The following IDUA variants were observed in gnomAD, a reference collection of about 807,000 sequenced individuals.
The protein encoded by IDUA is alpha-L-iduronidase.
A neutral mutation model predicts 68.9 loss-of-function variants in IDUA; 65 were observed. The observed-to-expected ratio is 0.94, with a 90% CI of 0.77 to 1.16. The LOEUF is 1.16. Ranked by LOEUF, IDUA falls within the 50% of genes most tolerant of loss-of-function variation. The pLI is 0.00. For synonymous variants in IDUA, 529 were observed against 433.6 expected (o/e 1.22, Z -2.73); for missense variants, 1,046 against 938.0 (o/e 1.12, Z -1.50).
Position 1,003,440 on chromosome 4 carries a change from G to T in IDUA, c.1620G>T (p.Val540=). 6.5e-7 allele frequency: 1 copy of T among 1,542,520 alleles called. No homozygotes were observed. The highest frequency in any genetic ancestry group is 8.7e-7 in the Non-Finnish European group (1 of 1,150,614). The change falls in exon 11 of 14, where the codon GTG becomes GTT. Residue 540 remains valine (V), a synonymous_variant. Transcript: ENST00000514224. ...TGCCGTCGCTTTTGCTGGTGCACGTGTGTGCGCGCCCCGAGAAGCCGCCCG... is the reference window on the plus strand; with the variant it reads ...TGCCGTCGCTTTTGCTGGTGCACGTTTGTGCGCGCCCCGAGAAGCCGCCCG... ...LRLPSLLLVH[V]CARPEKPPGQ...
intron 2 of IDUA, chr4:990,422 A>G (rs2153017419): frequency 6.8e-7 from 1 of 1,476,670 alleles, no homozygotes; most frequent in Non-Finnish European, 9.1e-7. Flanking sequence ...GCCCCTCACC[A>G]GCACCTGGCA....
rs368806302 is a variant in IDUA, at chr4:989,420, G to T, written c.299+1471G>T. The T allele has an allele frequency of 2.5e-5, 39 of 1,556,458 alleles. No individual in the cohort carries two copies. The highest frequency in any genetic ancestry group is 3.3e-4 in the Middle Eastern group (2 of 6,010). On this transcript the variant is annotated intron_variant, in intron 2 of 13. Transcript: ENST00000514224. ...CGGGCCAGCAGGGCGGTGCGTGGGCGTTGGGTGCGGCCGGCCAGGCTGAGC... is the reference window on the plus strand; with the variant it reads ...CGGGCCAGCAGGGCGGTGCGTGGGCTTTGGGTGCGGCCGGCCAGGCTGAGC...
rs760940403 is a variant in IDUA at position 991,381 on chromosome 4, G to C, written c.299+3432G>C. 8 of 1,612,734 alleles carry C rather than the reference G, an allele frequency of 5.0e-6. No individual in the cohort carries two copies. The African/African-American group carries it at 9.3e-5, about 19-fold the overall frequency. ...GCCCATGAGGAAGTAGATGAGGTTGGCGAAGAAGGACGTATAGAGGCTGTA... is the reference window on the plus strand; with the variant it reads ...GCCCATGAGGAAGTAGATGAGGTTGCCGAAGAAGGACGTATAGAGGCTGTA... On this transcript the variant is annotated intron_variant, in intron 2 of 13. Transcript: ENST00000514224.
At chr4:1,002,240 C>T (rs911412291) in intron 7 of IDUA, 29 bp from the exon 8 acceptor site, 5 of 1,596,974 alleles carry the variant, frequency 3.1e-6, no homozygotes, top group African/African-American at 1.3e-5. Context: ...GCCGCGCCAC[C>T]CGGTCCCAGC....
In IDUA at chr4:1,003,358, C is replaced by T. The variant is rs1327789436; in HGVS notation, c.1538C>T (p.Ala513Val). 1 of 1,458,086 alleles carries T rather than the reference C, an allele frequency of 6.9e-7. No individual in the cohort carries two copies. Among genetic ancestry groups the T allele is most frequent in the Admixed American group, 2.7e-5 (1 of 37,726 alleles). The allele number at this position is 1,458,086 out of a possible 1,614,324, so 90.3% of individuals were successfully genotyped here. ...CACTGCGCCCAGGACCCGGTGGCCG[C>T]GGCGCCCCGCCCCTTACCCGCCGGC... Reference protein sequence around the residue: ...RMRAAEDPVAAAPRPLPAGGR... With the variant: ...RMRAAEDPVAVAPRPLPAGGR... Residue 513 changes from alanine (A) to valine (V), a missense_variant, in exon 11 of 14, where the codon GCG (alanine) becomes GTG (valine). Physicochemically the swap from Ala to Val is moderately conservative, Grantham distance 64. Transcript: ENST00000514224.
At chr4:1,001,186 T>C in intron 4 of IDUA, 197 bp downstream of exon 4, 1 of 600,664 alleles carries the variant, frequency 1.7e-6, no homozygotes, top group Non-Finnish European at 2.9e-6. Flanking sequence ...GGGGTACTCC[T>C]GGGCTTGGTG....
rs749088292 is a variant in IDUA, at chr4:991,842, G to A, written c.299+3893G>A. 84 of 1,523,468 alleles carry A rather than the reference G, an allele frequency of 5.5e-5. 1 individual carries two copies. In the Admixed American group the frequency reaches 7.7e-4, roughly 14 times the overall value. The allele number at this position is 1,523,468 out of a possible 1,614,324, so 94.4% of individuals were successfully genotyped here. A position where few individuals can be genotyped will look rare whatever the true frequency, so the allele number is the denominator to read the frequency against. On this transcript the variant is annotated intron_variant, in intron 2 of 13. Transcript: ENST00000514224. ...GCGGACCCCTCGCCCACCCAGGGCC[G>A]GGGATTGGTGCTGGGCCTTCTCCTG... is the stretch of plus-strand genomic sequence containing the variant.
chr4:993,259 C>G (rs1054196765), intron 2 of IDUA: 1 of 152,484 alleles, frequency 6.6e-6, no homozygotes, highest in East Asian at 1.9e-4. Flanking sequence ...TCCCACGCCC[C>G]CCTCTGCTGC....
At position 1,003,570 on chromosome 4, in the gene IDUA, C is replaced by G. The variant is rs1027324399; in HGVS notation, c.1672C>G (p.Pro558Ala). 6.2e-7 allele frequency: 1 copy of G among 1,612,262 alleles called. No homozygotes were observed. Among genetic ancestry groups the G allele is most frequent in the African/African-American group, 1.3e-5 (1 of 75,036 alleles). ...CCAGGTCACGCGGCTCCGCGCCCTG[C>G]CCCTGACCCAAGGGCAGCTGGTTCT... ...PGQVTRLRAL[P>A]LTQGQLVLVW... The change falls in exon 12 of 14, where the codon CCC (proline) becomes GCC (alanine). Residue 558 changes from proline to alanine, a missense_variant. Pro to Ala is a conservative substitution (Grantham distance 27). Coordinates refer to ENST00000514224, the MANE Select transcript of IDUA (RefSeq NM_000203.5).
intron 2 of IDUA, among the ~76,000 whole-genome samples, chr4:998,773 C>T (rs1190533669): frequency 2.9e-5 from 4 of 139,406 alleles, no homozygotes; most frequent in African/African-American, 5.2e-5. Context: ...TTGCCCTGTA[C>T]GACCCCCCGA....
At chr4:988,212 G>A (rs1393342544) in intron 2 of IDUA, 16 of 1,341,824 alleles carry the variant, frequency 1.2e-5, no homozygotes, top group East Asian at 3.0e-5. Context: ...TGGTGCACCC[G>A]TGAGCATCCC....
At chr4:994,279 T>TC (rs1458723031) in intron 2 of IDUA, among the ~76,000 whole-genome samples, 3 of 147,492 alleles carry the variant, frequency 2.0e-5, no homozygotes, top group Non-Finnish European at 4.5e-5. Flanking sequence ...CCCCACCTTT[T>TC]CTTTTTTTTT....
At chr4:998,614 C>A (rs1361640296) in intron 2 of IDUA, among the ~76,000 whole-genome samples, 2 of 152,136 alleles carry the variant, frequency 1.3e-5, no homozygotes, top group African/African-American at 4.8e-5. Context: ...TTCCCTCAGG[C>A]CAGAAGCATC....
At chr4:994,424 C>T (rs1203321915) in intron 2 of IDUA, among the ~76,000 whole-genome samples, 6 of 151,506 alleles carry the variant, frequency 4.0e-5, no homozygotes, top group Admixed American at 1.3e-4. Flanking sequence ...TACAGGCGCC[C>T]GCCACCGCGC....
In IDUA at chr4:991,403, T is replaced by C; in HGVS notation, c.299+3454T>C. ...TTGGCGAAGAAGGACGTATAGAGGC[T>C]GTAGATGGGCTGCAGCCCGGCCAGC... On this transcript the variant is annotated intron_variant, in intron 2 of 13. Transcript: ENST00000514224. 2.5e-6 allele frequency: 4 copies of C among 1,612,738 alleles called. No individual in the cohort carries two copies. Among genetic ancestry groups the C allele is most frequent in the Non-Finnish European group, 3.4e-6 (4 of 1,179,936 alleles).
intron 4 of IDUA, 143 bp downstream of exon 4, chr4:1,001,132 G>A: frequency 1.5e-6 from 1 of 681,904 alleles, no homozygotes; most frequent in South Asian, 1.7e-5. Context: ...GGGGTGACAA[G>A]GGATAGGTTG....
chr4:987,742 G>A (rs2153015532), intron 1 of IDUA, 67 bp from the exon 2 acceptor site: 2 of 1,604,556 alleles, frequency 1.2e-6, no homozygotes, highest in South Asian at 1.1e-5. Flanking sequence ...GGGCTTGAAC[G>A]TGTGTGTCAG....
rs1388774665 is a variant in IDUA at position 1,002,012 on chromosome 4, C to A, written c.823C>A (p.Gln275Lys). 6.3e-7 allele frequency: 1 copy of A among 1,595,740 alleles called. No homozygotes were observed. Among genetic ancestry groups the A allele is most frequent in the East Asian group, 2.3e-5 (1 of 44,192 alleles). Residue 275 changes from glutamine to lysine, a missense_variant, in exon 7 of 14, where the codon CAG becomes AAG. Coordinates refer to ENST00000514224, the MANE Select transcript of IDUA (RefSeq NM_000203.5). ...GCGCAGCTCCATCTCCATCCTGGAG[C>A]AGGAGAAGGTCGTCGCGCAGCAGAT... ...GARSSISILE[Q>K]EKVVAQQIRQ...
Position 1,002,845 on chromosome 4 carries a change from C to A in IDUA, c.1303C>A (p.Arg435Ser), listed in dbSNP as rs1188900288. 4 of 1,453,156 alleles carry A rather than the reference C, an allele frequency of 2.8e-6. No homozygotes were observed. Among genetic ancestry groups the A allele is most frequent in the Non-Finnish European group, 3.6e-6 (4 of 1,109,256 alleles). The allele number at this position is 1,453,156 out of a possible 1,614,324, so 90.0% of individuals were successfully genotyped here. Residue 435 changes from arginine to serine, a missense_variant, in exon 9 of 14, where the codon CGC becomes AGC. By Grantham distance (110) the Arg-to-Ser change is moderately radical (BLOSUM62 -1). Coordinates refer to ENST00000514224, the MANE Select transcript of IDUA (RefSeq NM_000203.5). ...HRPQGPADAW[R>S]AAVLIYASDD... is the part of the protein sequence containing the mutation. ...CCCCCAGGGCCCGGCCGACGCCTGG[C>A]GCGCCGCGGTGCTGATCTACGCGAG... is the stretch of plus-strand genomic sequence containing the variant.
Sources: gnomAD v4.1 joint callset for allele counts (sites outside exome capture counted in the v4.1 genomes callset) on GRCh38, gnomAD v4.1.1 for gene constraint, MANE v1.5 for transcripts, NCBI Gene and HGNC (gene_info 2026-07-23, HGNC 2026-07-21) for gene names.